The following CTR9 variants were observed in gnomAD, a reference collection of about 807,000 sequenced individuals.
The protein encoded by CTR9 is CTR9 component of Paf1/RNA polymerase II complex, also known as RNA polymerase-associated protein CTR9 homolog.
CTR9 carries 41 observed loss-of-function variants against 152.1 expected under a neutral mutation model. The ratio of observed to expected loss-of-function variants is 0.27; its 90% CI spans 0.21 to 0.35. CTR9 has a LOEUF of 0.35. Among genes scored for constraint, CTR9 ranks in the 10% least tolerant of loss-of-function variants. The pLI is 1.00. For synonymous variants in CTR9, 476 were observed against 496.2 expected (o/e 0.96, Z 0.54); for missense variants, 917 against 1,424.4 (o/e 0.64, Z 5.73).
rs772330502 is a variant in CTR9, at chr11:10,754,985, G to A, written c.172G>A (p.Glu58Lys). The change falls in exon 3 of 25, where the codon GAA becomes AAA. Residue 58 changes from glutamate (E) to lysine (K), a missense_variant. Transcript: ENST00000361367. ...GGAATACTACAAGCAAGGAAAAACA[G>A]AAGAGTTTGTAAAATTGTTGGAAGC... ...ALEYYKQGKTEEFVKLLEAAR... is the reference protein window; with the variant it reads ...ALEYYKQGKTKEFVKLLEAAR... 6.2e-7 allele frequency: 1 copy of A among 1,613,928 alleles called. No homozygotes were observed. The highest frequency in any genetic ancestry group is 1.1e-5 in the South Asian group (1 of 91,044).
chr11:10,767,039 C>G lies in CTR9; in HGVS notation c.1686+549C>G, dbSNP rs1289984426. The G allele has an allele frequency of 6.6e-6, 1 of 152,572 alleles. No homozygotes were observed. The highest frequency in any genetic ancestry group is 1.5e-5 in the Non-Finnish European group (1 of 68,258). 9.5% of individuals were successfully genotyped at this position (152,572 alleles called of 1,614,324 possible). A position where few individuals can be genotyped will look rare whatever the true frequency, so the allele number is the denominator to read the frequency against. On this transcript the variant is annotated intron_variant, in intron 13 of 24. Coordinates refer to ENST00000361367, the MANE Select transcript of CTR9 (RefSeq NM_014633.5). This position sits in a 1 kb window ranked among gnomAD's most constrained non-coding sequence, Gnocchi z 4.0. ...GATACACTGATATTTTTACTTTATTCCATTCTGTTGCATTTACTATGCAGA... is the reference window on the plus strand; with the variant it reads ...GATACACTGATATTTTTACTTTATTGCATTCTGTTGCATTTACTATGCAGA...
At position 10,772,516 on chromosome 11, in the gene CTR9, C is replaced by T. The variant is rs971119715; in HGVS notation, c.2445-4C>T. ...CATGTTTCTCTAAACCTGAAATGTT[C>T]TAGGCAGTGTTCTGACTTACTGAGC... On this transcript the variant is annotated splice_region_variant and splice_polypyrimidine_tract_variant and intron_variant, in intron 19 of 24. Transcript: ENST00000361367. 2.7e-6 allele frequency: 4 copies of T among 1,508,132 alleles called. No individual in the cohort carries two copies. In the African/African-American group the frequency reaches 4.3e-5, roughly 16 times the overall value. 93.4% of individuals were successfully genotyped at this position (1,508,132 alleles called of 1,614,324 possible).
intron 21 of CTR9, among the ~76,000 whole-genome samples, chr11:10,773,562 C>G (rs1863177949): frequency 6.6e-6 from 1 of 152,084 alleles, no homozygotes; most frequent in African/African-American, 2.4e-5. Context: ...TTGGGCCTAG[C>G]CAAGAACCTC....
intron 22 of CTR9, 124 bp from the exon 23 acceptor site, chr11:10,775,083 G>T (rs1039514887): frequency 1.4e-5 from 10 of 723,618 alleles, no homozygotes; most frequent in Admixed American, 7.9e-5. Context: ...GGAGTGTACA[G>T]TATGATTGAG....
At chr11:10,752,325 A>G (rs780263945) in intron 1 of CTR9, among the ~76,000 whole-genome samples, 40 of 152,270 alleles carry the variant, frequency 2.6e-4, no homozygotes, top group Non-Finnish European at 4.9e-4. Flanking sequence ...AGTCAGACCT[A>G]TGGCATAATA....
intron 24 of CTR9, among the ~76,000 whole-genome samples, chr11:10,776,195 C>T (rs920292987): frequency 1.1e-4 from 16 of 152,202 alleles, no homozygotes; most frequent in Admixed American, 8.5e-4. Context: ...AAGCGATTCT[C>T]CTGCCTCAGT....
At position 10,763,388 on chromosome 11, in the gene CTR9, AG is replaced by A. The variant is rs771345656; in HGVS notation, c.850-42del. On this transcript the variant is annotated intron_variant, in intron 7 of 24. Transcript: ENST00000361367. ...CTAAGATAAAACAGCTATGCAAGCT[AG>A]TCTTATGAATTCACTCAGTTGACTT... 2.3e-6 allele frequency: 3 copies of A among 1,283,622 alleles called. No individual in the cohort carries two copies. The South Asian group carries it at 3.6e-5, about 16-fold the overall frequency. The allele number at this position is 1,283,622 out of a possible 1,614,324, so 79.5% of individuals were successfully genotyped here.
At chr11:10,774,240 T>G in intron 22 of CTR9, 71 bp downstream of exon 22, 1 of 1,510,552 alleles carries the variant, frequency 6.6e-7, no homozygotes, top group South Asian at 1.4e-5. Flanking sequence ...TTCTGAATCT[T>G]TTGATGTTTA....
At chr11:10,774,509 C>T (rs767129839) in intron 22 of CTR9, among the ~76,000 whole-genome samples, 3 of 152,264 alleles carry the variant, frequency 2.0e-5, no homozygotes, top group Non-Finnish European at 4.4e-5. Flanking sequence ...GGAAAAATCA[C>T]TAAGCCTCAG....
intron 24 of CTR9, among the ~76,000 whole-genome samples, chr11:10,776,496 C>T (rs965778261): frequency 6.6e-6 from 1 of 152,188 alleles, no homozygotes; most frequent in East Asian, 1.9e-4. Context: ...AACCAGGTCT[C>T]TTAATACTGT....
chr11:10,759,757 T>G (rs1008512575), intron 5 of CTR9, among the ~76,000 whole-genome samples: 4 of 152,200 alleles, frequency 2.6e-5, no homozygotes, highest in African/African-American at 9.7e-5. Flanking sequence ...TGGCCTTAAA[T>G]GAGGTAGCAC....
chr11:10,760,430 A>G (rs1425905282), intron 6 of CTR9, 109 bp downstream of exon 6: 1 of 1,041,276 alleles, frequency 9.6e-7, no homozygotes, highest in Non-Finnish European at 1.4e-6. Flanking sequence ...ATTACAGATT[A>G]CAGAAGGGTA....
chr11:10,761,918 C>A, intron 6 of CTR9, 29 bp from the exon 7 acceptor site: 1 of 1,439,758 alleles, frequency 6.9e-7, no homozygotes, highest in Non-Finnish European at 9.6e-7. Context: ...ATTGTTTTCA[C>A]TCCACCTTGT....
chr11:10,765,672 G>A (rs1590022350), intron 12 of CTR9, among the ~76,000 whole-genome samples: 1 of 152,180 alleles, frequency 6.6e-6, no homozygotes, highest in South Asian at 2.1e-4. Flanking sequence ...ACGTTGGTCA[G>A]ACTGGTCTAG....
rs2135370060 is a variant in CTR9 at position 10,764,690 on chromosome 11, T to C, written c.1556T>C (p.Leu519Pro). The change falls in exon 12 of 25, where the codon CTG (leucine) becomes CCG (proline). Residue 519 changes from leucine to proline, a missense_variant. Leu to Pro is a moderately conservative substitution (Grantham distance 98, BLOSUM62 -3). Transcript: ENST00000361367. ...TGTGAATTCCATGAAGCAGAAAAAC[T>C]GTATAAAAACATCTTACGCGAACAT... Reference protein sequence around the residue: ...AMCEFHEAEKLYKNILREHPN... With the variant: ...AMCEFHEAEKPYKNILREHPN... The C allele has an allele frequency of 2.5e-6, 4 of 1,611,842 alleles. No homozygotes were observed. The highest frequency in any genetic ancestry group is 1.1e-5 in the South Asian group (1 of 90,974).
chr11:10,777,987 G>A (rs1171458675), intron 24 of CTR9, among the ~76,000 whole-genome samples: 1 of 152,184 alleles, frequency 6.6e-6, no homozygotes, highest in Admixed American at 6.5e-5. Flanking sequence ...TGAGGGTGCT[G>A]CCACCATTCT....
chr11:10,779,053 A>T lies in CTR9; in HGVS notation c.3470A>T (p.Asn1157Ile), dbSNP rs541490334. Residue 1157 changes from asparagine to isoleucine, a missense_variant, in exon 25 of 25, where the codon AAC becomes ATC. Transcript: ENST00000361367. ...AATGAATCGGAACCAGAGGGATCCA[A>T]CAATGAGGCCTCAGATAGAGGCTCA... ...SGNESEPEGSNNEASDRGSEH... is the reference protein window; with the variant it reads ...SGNESEPEGSINEASDRGSEH... 312 of 1,614,204 alleles carry T rather than the reference A, an allele frequency of 1.9e-4. 5 individuals are homozygous for T. In the South Asian group the frequency reaches 3.3e-3, roughly 17 times the overall value.
chr11:10,769,662 T>A (rs964294750), intron 16 of CTR9, among the ~76,000 whole-genome samples: 1 of 152,192 alleles, frequency 6.6e-6, no homozygotes, highest in African/African-American at 2.4e-5. Flanking sequence ...CTTAACCATT[T>A]TTCATGAAAA....
At chr11:10,763,362 T>C (rs1191504602) in intron 7 of CTR9, 69 bp from the exon 8 acceptor site, 5 of 1,024,082 alleles carry the variant, frequency 4.9e-6, no homozygotes, top group South Asian at 1.3e-5. Context: ...GAAGTGTTAG[T>C]CTAAGATAAA....
Sources: allele counts gnomAD v4.1 joint callset (sites outside exome capture counted in the v4.1 genomes callset), GRCh38; gene constraint gnomAD v4.1.1; non-coding constraint Gnocchi (gnomAD v3.1); transcripts MANE v1.5; gene names NCBI Gene and HGNC (gene_info 2026-07-23, HGNC 2026-07-21).